The following NPAS3 variants were observed in gnomAD, a reference collection of about 807,000 sequenced individuals.
The protein encoded by NPAS3 is neuronal PAS domain-containing protein 3.
In NPAS3, 14 loss-of-function variants were observed where a neutral mutation model predicts 73.1. The ratio of observed to expected loss-of-function variants is 0.19; its 90% CI spans 0.13 to 0.30. NPAS3 has a LOEUF of 0.30. NPAS3 is among the 10% of genes least tolerant of loss of function. The pLI is 1.00. For synonymous variants in NPAS3, 620 were observed against 541.5 expected (o/e 1.14, Z -2.01); for missense variants, 1,096 against 1,250.0 (o/e 0.88, Z 1.86).
intron 1 of NPAS3, 87 bp from the exon 2 acceptor site, chr14:33,055,818 T>C (rs571529090): frequency 6.5e-6 from 4 of 614,894 alleles, no homozygotes; most frequent in Non-Finnish European, 1.2e-5. Flanking sequence ...GCAAAATATA[T>C]TGAATTTCAA....
intron 3 of NPAS3, among the ~76,000 whole-genome samples, chr14:33,324,517 C>T (rs2043602987): frequency 6.6e-6 from 1 of 152,248 alleles, no homozygotes; most frequent in Admixed American, 6.5e-5. Context: ...ATGAACCAAA[C>T]GCAGAACCGT....
chr14:33,334,638 G>T (rs983322770), intron 3 of NPAS3, among the ~76,000 whole-genome samples: 2 of 152,138 alleles, frequency 1.3e-5, no homozygotes, highest in Non-Finnish European at 2.9e-5. Context: ...AGTCAAAGAT[G>T]AGTCTTAGGC....
intron 4 of NPAS3, among the ~76,000 whole-genome samples, chr14:33,441,865 C>T (rs373553617): frequency 1.3e-5 from 2 of 152,184 alleles, no homozygotes; most frequent in East Asian, 1.9e-4. Flanking sequence ...ACCATCACAT[C>T]TCATGAGACT....
intron 4 of NPAS3, among the ~76,000 whole-genome samples, chr14:33,414,249 CT>C (rs2048054207): frequency 6.6e-6 from 1 of 152,164 alleles, no homozygotes; most frequent in Admixed American, 6.6e-5. Flanking sequence ...GCTTTCCCTC[CT>C]CCCCCCACTG....
intron 9 of NPAS3, among the ~76,000 whole-genome samples, chr14:33,787,789 A>T (rs1209251869): frequency 6.6e-6 from 1 of 152,158 alleles, no homozygotes. Flanking sequence ...TTCTGGCTAT[A>T]ATTGTGTTTC....
intron 4 of NPAS3, among the ~76,000 whole-genome samples, chr14:33,520,299 T>C (rs895401322): frequency 1.3e-5 from 2 of 152,118 alleles, no homozygotes; most frequent in Non-Finnish European, 2.9e-5. Context: ...ATGTATTGTT[T>C]ATATCAAGAA....
chr14:33,100,613 GTTAAC>G (rs962859517), intron 2 of NPAS3, among the ~76,000 whole-genome samples: 65 of 152,240 alleles, frequency 4.3e-4, no homozygotes, highest in African/African-American at 1.5e-3. Context: ...AATTTGCGTA[GTTAAC>G]TTAAAGGAAA....
exon 7 of NPAS3, chr14:33,735,250 A>G: frequency 6.2e-7 from 1 of 1,613,662 alleles, no homozygotes; most frequent in African/African-American, 1.3e-5. Context: ...ACCACTGACA[A>G]CACTCTTGAG....
intron 4 of NPAS3, among the ~76,000 whole-genome samples, chr14:33,471,241 A>G (rs1435463549): frequency 6.6e-6 from 1 of 152,176 alleles, no homozygotes; most frequent in Non-Finnish European, 1.5e-5. Context: ...TCAAATTGGG[A>G]CCTGAGAGGC....
downstream of NPAS3, chr14:33,801,116 G>A (rs1373855138): frequency 1.3e-6 from 2 of 1,569,890 alleles, no homozygotes; most frequent in Middle Eastern, 1.7e-4. Context: ...CTGAGGCGCC[G>A]CCCGTCCTGG....
chr14:32,951,590 A>G (rs983244148), intron 1 of NPAS3, among the ~76,000 whole-genome samples: 1 of 152,152 alleles, frequency 6.6e-6, no homozygotes, highest in African/African-American at 2.4e-5. Flanking sequence ...ATGTTTGGAG[A>G]TAAGTACATT....
At chr14:33,643,521 C>G (rs1567081752) in intron 5 of NPAS3, among the ~76,000 whole-genome samples, 1 of 152,020 alleles carries the variant, frequency 6.6e-6, no homozygotes, top group South Asian at 2.1e-4. Flanking sequence ...AAGCAGTAAG[C>G]TCTCGGAGTT....
At chr14:33,664,541 C>T (rs1401074563) in intron 5 of NPAS3, among the ~76,000 whole-genome samples, 1 of 152,150 alleles carries the variant, frequency 6.6e-6, no homozygotes, top group African/African-American at 2.4e-5. Context: ...AACTAAAGAG[C>T]TTCTGCACAG....
chr14:32,971,845 T>C (rs920286557), intron 1 of NPAS3, among the ~76,000 whole-genome samples: 5 of 152,188 alleles, frequency 3.3e-5, no homozygotes, highest in Non-Finnish European at 7.3e-5. Context: ...TTTGAAATAT[T>C]TTAATCTGGT....
At chr14:33,560,009 C>CA (rs33950536) in intron 4 of NPAS3, 112 bp from the exon 5 acceptor site, 141,238 of 391,484 alleles carry the variant, frequency 0.36, 9,844 homozygotes, top group East Asian at 0.43. Context: ...GACTCTGTCT[C>CA]AAAAAAAAAA....
chr14:33,687,438 C>G (rs2060121217), intron 6 of NPAS3, among the ~76,000 whole-genome samples: 2 of 152,162 alleles, frequency 1.3e-5, no homozygotes, highest in South Asian at 4.2e-4. Flanking sequence ...AAAACACTAA[C>G]AAGAACATTC....
chr14:33,616,183 G>T (rs1416156938), intron 5 of NPAS3, among the ~76,000 whole-genome samples: 1 of 152,154 alleles, frequency 6.6e-6, no homozygotes, highest in Non-Finnish European at 1.5e-5. Context: ...TCCTGACTTC[G>T]TAAGCTGGAC....
intron 2 of NPAS3, among the ~76,000 whole-genome samples, chr14:33,210,228 C>G (rs912116956): frequency 2.0e-5 from 3 of 152,158 alleles, no homozygotes; most frequent in Admixed American, 6.5e-5. Context: ...CCAAAGCTAT[C>G]TTTTTTTCCC....
chr14:33,611,820 C>CT (rs1281489285), intron 5 of NPAS3, among the ~76,000 whole-genome samples: 3 of 152,044 alleles, frequency 2.0e-5, no homozygotes, highest in African/African-American at 7.3e-5. Flanking sequence ...GATTATCTTA[C>CT]TTTTTTGTGA....
Sources: allele counts gnomAD v4.1 joint callset (sites outside exome capture counted in the v4.1 genomes callset), GRCh38; gene constraint gnomAD v4.1.1; transcripts MANE v1.5; gene names NCBI Gene and HGNC (gene_info 2026-07-23, HGNC 2026-07-21).